GPR78: variants seen among roughly 807,000 people sequenced by gnomAD.
GPR78 encodes G protein-coupled receptor 78.
A neutral mutation model predicts 17.9 loss-of-function variants in GPR78; 29 were observed. That is an observed-to-expected ratio of 1.62 (90% CI 1.20 to 2.21). The LOEUF (loss-of-function observed/expected upper bound fraction) is 2.21, where lower values mean the gene tolerates loss of function less well. Ranked by LOEUF, GPR78 falls within the 30% of genes most tolerant of loss-of-function variation. The probability of loss-of-function intolerance (pLI) is 0.00; values close to 1 mark genes in which losing one functional copy is unlikely to be tolerated. For missense variants in GPR78, 649 were observed against 530.5 expected, an observed-to-expected ratio of 1.22 and a Z score of -2.19; for synonymous variants, 349 against 256.9, an observed-to-expected ratio of 1.36 and a Z score of -3.43.
chr4:8,582,721 T>G lies in GPR78; in HGVS notation c.782+77T>G, dbSNP rs6824455. ...CCTCAGTTGAGTAGGCCTCTGAGGTTTCCCAGCAAGATATCTGGAGGGCGG... is the reference window on the plus strand; with the variant it reads ...CCTCAGTTGAGTAGGCCTCTGAGGTGTCCCAGCAAGATATCTGGAGGGCGG... On this transcript the variant is annotated intron_variant, in intron 2 of 2. Coordinates refer to ENST00000382487, the MANE Select transcript of GPR78 (RefSeq NM_080819.5). 22 of 927,304 alleles carry G rather than the reference T, an allele frequency of 2.4e-5. No individual in the cohort carries two copies. In the South Asian group the frequency reaches 2.7e-4, roughly 12 times the overall value. The allele number at this position is 927,304 out of a possible 1,614,324, so 57.4% of individuals were successfully genotyped here. A position where few individuals can be genotyped will look rare whatever the true frequency, so the allele number is the denominator to read the frequency against.
chr4:8,587,013 C>G (rs1212420911), intron 2 of GPR78, 41 bp from the exon 3 acceptor site: 2 of 1,569,610 alleles, frequency 1.3e-6, no homozygotes, highest in African/African-American at 2.7e-5. Context: ...GTGGCAGGTG[C>G]TGTCACTGTG....
rs1227141411 is a variant in GPR78, at chr4:8,580,835, TCG to T, written c.-144_-143del. 2 of 785,928 alleles carry T rather than the reference TCG, an allele frequency of 2.5e-6. No individual in the cohort carries two copies. Among genetic ancestry groups the T allele is most frequent in the Non-Finnish European group, 3.9e-6 (2 of 514,668 alleles). The allele number at this position is 785,928 out of a possible 1,614,324, so 48.7% of individuals were successfully genotyped here. A position where few individuals can be genotyped will look rare whatever the true frequency, so the allele number is the denominator to read the frequency against. On this transcript the variant is annotated 5_prime_UTR_variant, in exon 1 of 3. Transcript: ENST00000382487. ...GACCCTGCACTTGCCGCCGCTTTCC[TCG>T]CGCTGCTCTGGACCTTGCTAGCCGG... is the stretch of plus-strand genomic sequence containing the variant.
Position 8,587,143 on chromosome 4 carries a change from C to T in GPR78, c.872C>T (p.Pro291Leu), listed in dbSNP as rs61741001. The T allele has an allele frequency of 2.7e-5, 43 of 1,613,400 alleles. No individual in the cohort carries two copies. The African/African-American group carries it at 3.2e-4, about 12-fold the overall frequency. Residue 291 changes from proline to leucine, a missense_variant, in exon 3 of 3, where the codon CCG (proline) becomes CTG (leucine). Pro to Leu is a moderately conservative substitution (Grantham distance 98). Coordinates refer to ENST00000382487, the MANE Select transcript of GPR78 (RefSeq NM_080819.5). The part of the protein sequence containing the change: ...CLTYSKAVAD[P>L]FTYSLLRRPF... ...ACCTACAGCAAGGCGGTGGCCGACC[C>T]GTTCACGTACTCTCTGCTCCGCCGG...
In GPR78 at chr4:8,581,265, C is replaced by A; in HGVS notation, c.283C>A (p.Leu95Met). 1 of 1,590,994 alleles carries A rather than the reference C, an allele frequency of 6.3e-7. No individual in the cohort carries two copies. Among genetic ancestry groups the A allele is most frequent in the African/African-American group, 1.3e-5 (1 of 74,942 alleles). Residue 95 changes from leucine (L) to methionine (M), a missense_variant, in exon 1 of 3, where the codon CTG becomes ATG. Coordinates refer to ENST00000382487, the MANE Select transcript of GPR78 (RefSeq NM_080819.5). ...CACCTTCCTGGCGTCCAACGCGGCG[C>A]TGAGCGTGGCGGCGCTGAGCGCAGA... ...LDTFLASNAA[L>M]SVAALSADQW...
At chr4:8,583,189 C>G (rs966851099) in intron 2 of GPR78, 2 of 152,332 alleles carry the variant, frequency 1.3e-5, no homozygotes, top group African/African-American at 4.9e-5. Flanking sequence ...CAGTGCTGTG[C>G]TGAGGGGCAG....
rs139621322 is a variant in GPR78 at position 8,586,995 on chromosome 4, G to A, written c.783-59G>A. ...TGGTTCTAGCACCTTCCCCCGGAGC[G>A]TGAGTGCGTGGCAGGTGCTGTCACT... On this transcript the variant is annotated intron_variant, in intron 2 of 2. Coordinates refer to ENST00000382487, the MANE Select transcript of GPR78 (RefSeq NM_080819.5). 2.1e-4 allele frequency: 308 copies of A among 1,433,074 alleles called. No homozygotes were observed. In the East Asian group the frequency reaches 2.3e-3, roughly 10 times the overall value. 88.8% of individuals were successfully genotyped at this position (1,433,074 alleles called of 1,614,324 possible). A position where few individuals can be genotyped will look rare whatever the true frequency, so the allele number is the denominator to read the frequency against.
chr4:8,586,132 C>G (rs1035905274), intron 2 of GPR78, among the ~76,000 whole-genome samples: 9 of 152,156 alleles, frequency 5.9e-5, no homozygotes, highest in Non-Finnish European at 1.2e-4. Context: ...CTGTGGCCCC[C>G]ACCTAAGGCT....
At position 8,584,492 on chromosome 4, in the gene GPR78, C is replaced by T. The variant is rs1713418901; in HGVS notation, c.782+1848C>T. Among the ~76,000 whole-genome samples, 17 of 134,476 alleles carry T rather than the reference C, an allele frequency of 1.3e-4. No homozygotes were observed. In the Admixed American group the frequency reaches 1.4e-3, roughly 11 times the overall value. 88.2% of individuals were successfully genotyped at this position (134,476 alleles called of 152,430 possible). A position where few individuals can be genotyped will look rare whatever the true frequency, so the allele number is the denominator to read the frequency against. ...TATATTTCTTCATGCACTCACTAAG[C>T]ATTTAATGAGCACCTACTCTGAGCT... On this transcript the variant is annotated intron_variant, in intron 2 of 2. Transcript: ENST00000382487.
Position 8,587,047 on chromosome 4 carries a change from C to T in GPR78, c.783-7C>T, listed in dbSNP as rs1441408069. Reference sequence around the variant, plus strand: ...TGGCTGAGTTAGCTGCTCCGCTTCCCCAACAGGCTGGCGGAGCTCGTGCCC... The same window carrying T: ...TGGCTGAGTTAGCTGCTCCGCTTCCTCAACAGGCTGGCGGAGCTCGTGCCC... On this transcript the variant is annotated splice_polypyrimidine_tract_variant and splice_region_variant and intron_variant, in intron 2 of 2. Coordinates refer to ENST00000382487, the MANE Select transcript of GPR78 (RefSeq NM_080819.5). The T allele has an allele frequency of 1.2e-6, 2 of 1,608,850 alleles. No individual in the cohort carries two copies. Among genetic ancestry groups the T allele is most frequent in the Admixed American group, 1.7e-5 (1 of 59,922 alleles).
At chr4:8,584,028 A>G (rs1184647775) in intron 2 of GPR78, among the ~76,000 whole-genome samples, 1 of 152,130 alleles carries the variant, frequency 6.6e-6, no homozygotes, top group African/African-American at 2.4e-5. Flanking sequence ...GTTTGTGTGT[A>G]TGTGTGCCCA....
chr4:8,581,158 A>T lies in GPR78; in HGVS notation c.176A>T (p.Asp59Val), dbSNP rs1713262260. ...GGCCACCTGCTGCTGGCGGCGCTGG[A>T]CATGCCCTTCACGCTGCTCGGTGTG... ...SLGHLLLAALDMPFTLLGVMR... is the reference protein window; with the variant it reads ...SLGHLLLAALVMPFTLLGVMR... The change falls in exon 1 of 3, where the codon GAC becomes GTC. Residue 59 changes from aspartate to valine, a missense_variant. Transcript: ENST00000382487. 6.2e-7 allele frequency: 1 copy of T among 1,603,892 alleles called. No homozygotes were observed. Among genetic ancestry groups the T allele is most frequent in the Non-Finnish European group, 8.5e-7 (1 of 1,179,614 alleles).
In GPR78 at chr4:8,589,477, G is replaced by T. The variant is rs112723160; in HGVS notation, c.*2114G>T. Among the ~76,000 whole-genome samples the T allele has an allele frequency of 6.6e-6, 1 of 152,054 alleles. No homozygotes were observed. Among genetic ancestry groups the T allele is most frequent in the African/African-American group, 2.4e-5 (1 of 41,402 alleles). On this transcript the variant is annotated 3_prime_UTR_variant, in exon 3 of 3. Transcript: ENST00000382487. ...TGAACTCGAGACCGTGCTGCACCCC[G>T]GTGCCCCTGTGCTTATAAGGGAGGG...
chr4:8,585,419 C>T (rs571487473), intron 2 of GPR78, among the ~76,000 whole-genome samples: 38 of 152,278 alleles, frequency 2.5e-4, no homozygotes, highest in Admixed American at 1.2e-3. Flanking sequence ...GCCCAGTCCC[C>T]TAGTGGCTGA....
chr4:8,587,395 T>C lies in GPR78; in HGVS notation c.*32T>C, dbSNP rs757361460. The C allele has an allele frequency of 8.8e-6, 14 of 1,593,184 alleles. No homozygotes were observed. The highest frequency in any genetic ancestry group is 1.3e-5 in the African/African-American group (1 of 74,552). On this transcript the variant is annotated 3_prime_UTR_variant, in exon 3 of 3. Coordinates refer to ENST00000382487, the MANE Select transcript of GPR78 (RefSeq NM_080819.5). ...GGCAGGGCTCATCGCCCCCACCTTC[T>C]AAGAAGCCCTGTGGAAAGGGCACTG...
In GPR78 at chr4:8,582,849, C is replaced by A. The variant is rs1577098721; in HGVS notation, c.782+205C>A. The A allele has an allele frequency of 2.7e-5, 15 of 558,034 alleles. No homozygotes were observed. In the East Asian group the frequency reaches 4.4e-4, roughly 16 times the overall value. The allele number at this position is 558,034 out of a possible 1,614,324, so 34.6% of individuals were successfully genotyped here. On this transcript the variant is annotated intron_variant, in intron 2 of 2. Coordinates refer to ENST00000382487, the MANE Select transcript of GPR78 (RefSeq NM_080819.5). ...AGGTGGCACTGGCTCCCATCCTGTC[C>A]TATAAATGAGGAGACTCTCCTTGTC...
chr4:8,583,342 A>T (rs970245846), intron 2 of GPR78, among the ~76,000 whole-genome samples: 4 of 150,822 alleles, frequency 2.7e-5, no homozygotes, highest in African/African-American at 4.9e-5. Context: ...TGTTTATTAG[A>T]GATGGTGACT....
intron 2 of GPR78, 197 bp downstream of exon 2, chr4:8,582,841 A>T (rs938575271): frequency 1.7e-6 from 1 of 571,446 alleles, no homozygotes; most frequent in African/African-American, 1.9e-5. Context: ...ACTGGCTCCC[A>T]TCCTGTCCTA....
rs777587775 is a variant in GPR78 at position 8,581,665 on chromosome 4, C to G, written c.668+15C>G. On this transcript the variant is annotated intron_variant, in intron 1 of 2. Coordinates refer to ENST00000382487, the MANE Select transcript of GPR78 (RefSeq NM_080819.5). ...CTGCACCCCAGGTATTGGCCCAGTG[C>G]ATGCCGACAGGCCCAGGCCAGGGAC... 1 of 1,439,576 alleles carries G rather than the reference C, an allele frequency of 6.9e-7. No homozygotes were observed. The highest frequency in any genetic ancestry group is 1.5e-5 in the South Asian group (1 of 67,050). 89.2% of individuals were successfully genotyped at this position (1,439,576 alleles called of 1,614,324 possible). A position where few individuals can be genotyped will look rare whatever the true frequency, so the allele number is the denominator to read the frequency against.
In GPR78 at chr4:8,587,391, C is replaced by A. The variant is rs1388456815; in HGVS notation, c.*28C>A. ...GCCTGGCAGGGCTCATCGCCCCCAC[C>A]TTCTAAGAAGCCCTGTGGAAAGGGC... is the stretch of plus-strand genomic sequence containing the variant. On this transcript the variant is annotated 3_prime_UTR_variant, in exon 3 of 3. Transcript: ENST00000382487. 8 of 1,598,030 alleles carry A rather than the reference C, an allele frequency of 5.0e-6. No individual in the cohort carries two copies. The highest frequency in any genetic ancestry group is 6.8e-6 in the Non-Finnish European group (8 of 1,170,216).
Sources: allele counts gnomAD v4.1 joint callset (sites outside exome capture counted in the v4.1 genomes callset), GRCh38; gene constraint gnomAD v4.1.1; transcripts MANE v1.5; gene names NCBI Gene and HGNC (gene_info 2026-07-23, HGNC 2026-07-21).